Variants in KCND3 observed in about 807,000 individuals in gnomAD.
KCND3 encodes A-type voltage-gated potassium channel KCND3.
In KCND3, 9 loss-of-function variants were observed where a neutral mutation model predicts 51.1. The ratio of observed to expected loss-of-function variants is 0.18; its 90% confidence interval spans 0.11 to 0.31. The LOEUF (loss-of-function observed/expected upper bound fraction) is 0.31. KCND3 is among the 10% of genes least tolerant of loss of function. KCND3 has a pLI of 1.00. For synonymous variants in KCND3, 349 were observed against 368.0 expected (o/e 0.95, Z 0.59); for missense variants, 526 against 903.8 (o/e 0.58, Z 5.36).
intron 1 of KCND3, among the ~76,000 whole-genome samples, chr1:111,987,337 A>G (rs1166260458): frequency 1.3e-5 from 2 of 152,174 alleles, no homozygotes; most frequent in East Asian, 3.8e-4. Context: ...TTGGGACCAT[A>G]AAAGCTTCTG....
intron 2 of KCND3, among the ~76,000 whole-genome samples, chr1:111,869,320 C>A (rs1255603007): frequency 4.6e-5 from 7 of 152,098 alleles, no homozygotes; most frequent in Admixed American, 3.3e-4. Context: ...CCTCTAGGAC[C>A]CCCCAGGAAT....
chr1:111,794,212 T>G (rs1029797221), intron 2 of KCND3, among the ~76,000 whole-genome samples: 1 of 152,244 alleles, frequency 6.6e-6, no homozygotes, highest in African/African-American at 2.4e-5. Context: ...TATTAGGGCT[T>G]AGGGATAATT....
chr1:111,873,829 G>A lies in KCND3; in HGVS notation c.1107-86723C>T, dbSNP rs148009155. 2.6e-5 allele frequency among the ~76,000 whole-genome samples: 4 copies of A among 152,090 alleles called. No individual in the cohort carries two copies. In the South Asian group the frequency reaches 8.3e-4, roughly 32 times the overall value. On this transcript the variant is annotated intron_variant, in intron 2 of 7. Coordinates refer to ENST00000302127, the MANE Select transcript of KCND3 (RefSeq NM_001378969.1). ...CCTTGCCACTGATGCAGAGCTGCCT[G>A]TTTGGCAGCCTGTGGTACTCAAGAT... is the stretch of plus-strand genomic sequence containing the variant.
intron 2 of KCND3, among the ~76,000 whole-genome samples, chr1:111,970,751 T>C (rs904092877): frequency 3.3e-5 from 5 of 152,204 alleles, no homozygotes; most frequent in South Asian, 2.1e-4. Flanking sequence ...TCTCATAATC[T>C]TCTCATATGT....
intron 2 of KCND3, among the ~76,000 whole-genome samples, chr1:111,962,456 AG>A (rs1282605613): frequency 6.6e-6 from 1 of 152,182 alleles, no homozygotes; most frequent in African/African-American, 2.4e-5. Context: ...GGAGGAAGTT[AG>A]TGCACCAGAG....
intron 2 of KCND3, among the ~76,000 whole-genome samples, chr1:111,871,291 G>A (rs748610378): frequency 1.8e-4 from 27 of 152,284 alleles, no homozygotes; most frequent in Non-Finnish European, 3.7e-4. Context: ...ATGAACTGTG[G>A]TAGGAACGTC....
chr1:111,794,601 C>A (rs952187813), intron 2 of KCND3, among the ~76,000 whole-genome samples: 1 of 152,190 alleles, frequency 6.6e-6, no homozygotes, highest in Non-Finnish European at 1.5e-5. Flanking sequence ...CAGAAGCTGT[C>A]CTGTTGGGTG....
At chr1:111,883,639 C>T (rs1347494946) in intron 2 of KCND3, among the ~76,000 whole-genome samples, 1 of 152,172 alleles carries the variant, frequency 6.6e-6, no homozygotes, top group Non-Finnish European at 1.5e-5. Flanking sequence ...CACTGAGTGA[C>T]GGAGGAGGGA....
At chr1:111,947,052 G>GT (rs59034265) in intron 2 of KCND3, among the ~76,000 whole-genome samples, 2,580 of 151,166 alleles carry the variant, frequency 0.017, 70 homozygotes, top group African/African-American at 0.06. Flanking sequence ...GGTGGGTCTT[G>GT]TTTTTTTTTA....
In KCND3 at chr1:111,820,678, C is replaced by T. The variant is rs140196126; in HGVS notation, c.1107-33572G>A. Reference sequence around the variant, plus strand: ...TCTTCCAAAAAGATGTATGTAAGTCCTAACCCCTAGAAGCTAAGAAGGTGA... The same window carrying T: ...TCTTCCAAAAAGATGTATGTAAGTCTTAACCCCTAGAAGCTAAGAAGGTGA... On this transcript the variant is annotated intron_variant, in intron 2 of 7. Transcript: ENST00000302127. 4.3e-3 allele frequency among the ~76,000 whole-genome samples: 650 copies of T among 152,284 alleles called. 11 individuals are homozygous for T. Among genetic ancestry groups the T allele is most frequent in the African/African-American group, 0.015 (625 of 41,544 alleles).
intron 2 of KCND3, among the ~76,000 whole-genome samples, chr1:111,974,900 AT>A (rs1232574404): frequency 6.6e-6 from 1 of 152,240 alleles, no homozygotes; most frequent in Non-Finnish European, 1.5e-5. Context: ...AGCAATTTGA[AT>A]TGCTGAATCA....
At chr1:111,882,948 C>T (rs1390167850) in intron 2 of KCND3, among the ~76,000 whole-genome samples, 2 of 152,206 alleles carry the variant, frequency 1.3e-5, no homozygotes, top group Non-Finnish European at 2.9e-5. Flanking sequence ...GCCCCATTTT[C>T]TGGGCCAACT....
intron 2 of KCND3, among the ~76,000 whole-genome samples, chr1:111,930,886 G>T (rs1217291428): frequency 6.6e-6 from 1 of 152,240 alleles, no homozygotes; most frequent in African/African-American, 2.4e-5. Context: ...AGGTAGCTCA[G>T]TTCTGCAGGT....
At chr1:111,787,732 G>A (rs1664668082) in intron 2 of KCND3, among the ~76,000 whole-genome samples, 1 of 152,178 alleles carries the variant, frequency 6.6e-6, no homozygotes, top group Non-Finnish European at 1.5e-5. Context: ...TCTCATTTAT[G>A]ATGATAACAA....
chr1:111,786,886 G>T, intron 3 of KCND3, 58 bp downstream of exon 3: 1 of 1,603,300 alleles, frequency 6.2e-7, no homozygotes, highest in South Asian at 1.1e-5. Flanking sequence ...CTGGCTCCCT[G>T]ACTGGTGCTC....
chr1:111,810,845 A>G (rs562173572), intron 2 of KCND3, among the ~76,000 whole-genome samples: 2 of 152,274 alleles, frequency 1.3e-5, no homozygotes, highest in East Asian at 3.9e-4. Context: ...GTGTGCAAAG[A>G]GCAGGAACTC....
At chr1:111,890,459 C>A (rs988387933) in intron 2 of KCND3, among the ~76,000 whole-genome samples, 5 of 152,010 alleles carry the variant, frequency 3.3e-5, no homozygotes, top group African/African-American at 1.2e-4. Context: ...AGGCAGCTGG[C>A]AAGAGAAAAT....
At position 111,914,108 on chromosome 1, in the gene KCND3, A is replaced by G. The variant is rs536047771; in HGVS notation, c.1106+67513T>C. Among the ~76,000 whole-genome samples the G allele has an allele frequency of 6.0e-4, 91 of 152,224 alleles. 1 individual carries two copies. Among genetic ancestry groups the G allele is most frequent in the African/African-American group, 2.0e-3 (85 of 41,564 alleles). On this transcript the variant is annotated intron_variant, in intron 2 of 7. Transcript: ENST00000302127. The stretch of plus-strand genomic sequence containing the variant: ...ACATGAACATGGTAAGGATTAAAAA[A>G]GGAAGATAGAAAAGTGACCCCAATA...
intron 6 of KCND3, 79 bp downstream of exon 6, chr1:111,778,357 G>T: frequency 1.5e-6 from 2 of 1,330,390 alleles, no homozygotes; most frequent in South Asian, 1.2e-5. Context: ...GAACCAGGCC[G>T]GGGGGTAAAA....
Sources: allele counts gnomAD v4.1 joint callset (sites outside exome capture counted in the v4.1 genomes callset), GRCh38; gene constraint gnomAD v4.1.1; transcripts MANE v1.5; gene names NCBI Gene and HGNC (gene_info 2026-07-23, HGNC 2026-07-21).